Variants in EMC3 observed in about 807,000 individuals in gnomAD.
EMC3 encodes the protein ER membrane protein complex subunit 3, also known as 30 kDa protein.
EMC3 carries 13 observed loss-of-function variants against 36.6 expected under a neutral mutation model. That is an observed-to-expected ratio of 0.35 (90% CI 0.23 to 0.56). EMC3 has a LOEUF of 0.56. Ranked by LOEUF, EMC3 falls within the 20% of genes least tolerant of loss-of-function variation. The pLI, the probability that EMC3 is intolerant of heterozygous loss-of-function variation, is 0.84. For synonymous variants in EMC3, 120 were observed against 111.9 expected, an observed-to-expected ratio of 1.07 and a Z score of -0.46; for missense variants, 220 against 324.5, an observed-to-expected ratio of 0.68 and a Z score of 2.47.
At chr3:9,988,498 A>G (rs1183266641), upstream of EMC3, 6 of 1,175,392 alleles carry the variant, frequency 5.1e-6, no homozygotes, top group Non-Finnish European at 7.7e-6. Context: ...TGGAACTTTG[A>G]TTATCAAGGA....
intron 1 of EMC3, among the ~76,000 whole-genome samples, chr3:9,984,640 C>A (rs1373466834): frequency 1.3e-5 from 2 of 152,210 alleles, no homozygotes; most frequent in African/African-American, 4.8e-5. Context: ...ATCCGTCCGC[C>A]TCGGCCTCCC....
chr3:9,976,583 A>G (rs145911089), intron 3 of EMC3, among the ~76,000 whole-genome samples: 247 of 152,280 alleles, frequency 1.6e-3, no homozygotes, highest in African/African-American at 5.5e-3. Context: ...CTGGGCAGCC[A>G]TCTATTGGAA....
intron 1 of EMC3, chr3:10,007,200 A>C: frequency 1.2e-6 from 1 of 811,528 alleles, no homozygotes; most frequent in South Asian, 1.9e-5. Context: ...GCAAATCATT[A>C]GTAGTGGCTC....
intron 4 of EMC3, 78 bp from the exon 5 acceptor site, chr3:9,973,787 T>G: frequency 7.5e-7 from 1 of 1,337,810 alleles, no homozygotes; most frequent in Non-Finnish European, 1.1e-6. Flanking sequence ...TCAGAGGAGG[T>G]GGGAACTCTG....
At chr3:9,974,109 T>C (rs1225199570) in intron 4 of EMC3, among the ~76,000 whole-genome samples, 2 of 152,150 alleles carry the variant, frequency 1.3e-5, no homozygotes, top group African/African-American at 4.8e-5. Flanking sequence ...AAAATAGAAA[T>C]ACGCTTCCCT....
chr3:10,006,918 C>T (rs941339627), intron 1 of EMC3: 2 of 307,846 alleles, frequency 6.5e-6, no homozygotes, highest in Non-Finnish European at 1.3e-5. Flanking sequence ...TGCCCGGCAA[C>T]GTGGGAGCCT....
At chr3:9,982,130 A>C (rs999743875) in intron 1 of EMC3, among the ~76,000 whole-genome samples, 1 of 150,620 alleles carries the variant, frequency 6.6e-6, no homozygotes, top group Admixed American at 6.6e-5. Context: ...TTGTATTTTT[A>C]GTAGAGATGG....
At chr3:9,985,829 G>C (rs1229859095) in intron 1 of EMC3, among the ~76,000 whole-genome samples, 1 of 152,204 alleles carries the variant, frequency 6.6e-6, no homozygotes, top group Non-Finnish European at 1.5e-5. Context: ...GGGAGGCGTA[G>C]ACTGCAGTGA....
intron 5 of EMC3, among the ~76,000 whole-genome samples, chr3:9,971,150 T>G (rs1011065955): frequency 6.6e-6 from 1 of 152,142 alleles, no homozygotes; most frequent in African/African-American, 2.4e-5. Flanking sequence ...CTCGAACTCC[T>G]GACCTCAAGT....
At chr3:9,979,884 A>C (rs950288691) in intron 1 of EMC3, among the ~76,000 whole-genome samples, 2 of 152,152 alleles carry the variant, frequency 1.3e-5, no homozygotes, top group Non-Finnish European at 2.9e-5. Context: ...GTAGAAGTAA[A>C]CACTCTGCCT....
At chr3:9,999,751 A>G (rs2086174840) in intron 1 of EMC3, among the ~76,000 whole-genome samples, 1 of 152,230 alleles carries the variant, frequency 6.6e-6, no homozygotes, top group Middle Eastern at 3.2e-3. Context: ...TAGAGTGTAA[A>G]GAATTCAAGA....
chr3:9,965,062 G>A (rs906831909), intron 7 of EMC3, among the ~76,000 whole-genome samples: 1 of 148,144 alleles, frequency 6.8e-6, no homozygotes, highest in African/African-American at 2.5e-5. Flanking sequence ...CCTATCTTTA[G>A]ATGAGCCTAG....
At chr3:9,968,451 T>C (rs1489689361) in intron 7 of EMC3, among the ~76,000 whole-genome samples, 1 of 152,220 alleles carries the variant, frequency 6.6e-6, no homozygotes, top group East Asian at 1.9e-4. Context: ...CTTTCTAATC[T>C]GAATGGCTTT....
At chr3:9,994,210 C>G in intron 1 of EMC3, 1 of 1,584,608 alleles carries the variant, frequency 6.3e-7, no homozygotes, top group Non-Finnish European at 8.6e-7. Flanking sequence ...ATGTGTTCAT[C>G]CATTATGTCG....
At chr3:9,978,959 A>G (rs2085880756) in intron 1 of EMC3, among the ~76,000 whole-genome samples, 1 of 152,166 alleles carries the variant, frequency 6.6e-6, no homozygotes, top group Non-Finnish European at 1.5e-5. Context: ...CACATATTCT[A>G]GTTTCTCCAC....
intron 1 of EMC3, chr3:10,004,105 G>T (rs1000678041): frequency 5.3e-5 from 8 of 152,150 alleles, no homozygotes; most frequent in Non-Finnish European, 7.4e-5. Context: ...GGTGGCTGGG[G>T]TTCTGCCCTT....
intron 7 of EMC3, among the ~76,000 whole-genome samples, chr3:9,965,415 T>C (rs574765346): frequency 7.7e-6 from 1 of 129,678 alleles, no homozygotes; most frequent in Admixed American, 8.6e-5. Context: ...AGTGAGACCC[T>C]CGATAGATAG....
chr3:10,008,674 A>T, intron 1 of EMC3: 1 of 356,688 alleles, frequency 2.8e-6, no homozygotes, highest in South Asian at 2.1e-5. Flanking sequence ...CAGATGGCAA[A>T]GATTTGCTGT....
intron 1 of EMC3, among the ~76,000 whole-genome samples, chr3:9,985,825 C>T (rs1242068726): frequency 2.0e-5 from 3 of 152,084 alleles, no homozygotes; most frequent in African/African-American, 7.2e-5. Flanking sequence ...ACCCGGGAGG[C>T]GTAGACTGCA....
Sources: allele counts gnomAD v4.1 joint callset (sites outside exome capture counted in the v4.1 genomes callset), GRCh38; gene constraint gnomAD v4.1.1; transcripts MANE v1.5; gene names NCBI Gene and HGNC (gene_info 2026-07-23, HGNC 2026-07-21).